KAT6B: variants seen among roughly 807,000 people sequenced by gnomAD.
The protein encoded by KAT6B is lysine acetyltransferase 6B, also known as histone acetyltransferase KAT6B.
Under a neutral mutation model 187.5 loss-of-function variants are expected in KAT6B, and 10 were observed. The observed-to-expected ratio is 0.05, with a 90% CI of 0.03 to 0.09. The LOEUF (loss-of-function observed/expected upper bound fraction) is 0.09. KAT6B is among the 10% of genes least tolerant of loss of function. KAT6B has a pLI of 1.00. For missense variants in KAT6B, 1,952 were observed against 2,558.9 expected, an observed-to-expected ratio of 0.76 and a Z score of 5.12; for synonymous variants, 861 against 926.8, an observed-to-expected ratio of 0.93 and a Z score of 1.29.
At chr10:75,023,058 G>A (rs913821811) in intron 16 of KAT6B, among the ~76,000 whole-genome samples, 5 of 152,184 alleles carry the variant, frequency 3.3e-5, no homozygotes, top group African/African-American at 9.7e-5. Flanking sequence ...GGCCAACTGC[G>A]CATTACTGAA....
At chr10:74,963,814 C>G (rs1258529334) in intron 4 of KAT6B, among the ~76,000 whole-genome samples, 2 of 152,038 alleles carry the variant, frequency 1.3e-5, no homozygotes, top group East Asian at 3.9e-4. Context: ...AGAAAGAAAC[C>G]TAAAGATATG....
chr10:74,854,952 A>G (rs1842720986), intron 3 of KAT6B, among the ~76,000 whole-genome samples: 1 of 152,212 alleles, frequency 6.6e-6, no homozygotes, highest in Non-Finnish European at 1.5e-5. Flanking sequence ...AGGTATACAA[A>G]CATTGTAGTT....
intron 17 of KAT6B, among the ~76,000 whole-genome samples, chr10:75,027,557 C>G (rs1845961414): frequency 6.6e-6 from 1 of 151,792 alleles, no homozygotes; most frequent in African/African-American, 2.4e-5. Context: ...CTTAAGAATA[C>G]TTGGGTGCTT....
Position 74,976,336 on chromosome 10 carries a change from C to A in KAT6B, c.1993+6C>A. On this transcript the variant is annotated splice_donor_region_variant and intron_variant, in intron 8 of 17. Coordinates refer to ENST00000287239, the MANE Select transcript of KAT6B (RefSeq NM_012330.4). ...TAAACCTGATCAGGATGATGGTAAG[C>A]AAAAGGTCAAAGCTCCAACCAAACC... 1 of 1,610,346 alleles carries A rather than the reference C, an allele frequency of 6.2e-7. No homozygotes were observed. The highest frequency in any genetic ancestry group is 8.5e-7 in the Non-Finnish European group (1 of 1,179,120).
chr10:75,022,132 AGAG>A lies in KAT6B; in HGVS notation c.3279_3281del (p.Glu1104del), dbSNP rs1166187787. On this transcript the variant is annotated inframe_deletion, in exon 16 of 18. Coordinates refer to ENST00000287239, the MANE Select transcript of KAT6B (RefSeq NM_012330.4). ...AGGAGGAAGAAGAGGAAGAGGATGA[AGAG>A]GAGGAAGAAGAGGAAGAAGAAGAAG... The A allele has an allele frequency of 2.2e-5, 35 of 1,601,858 alleles. No homozygotes were observed. The highest frequency in any genetic ancestry group is 2.6e-5 in the Non-Finnish European group (31 of 1,178,694).
intron 3 of KAT6B, among the ~76,000 whole-genome samples, chr10:74,866,468 T>C (rs772147521): frequency 5.9e-5 from 9 of 152,160 alleles, no homozygotes; most frequent in Non-Finnish European, 1.2e-4. Flanking sequence ...GTGTTCATTA[T>C]GCTACTTCAA....
rs1338421151 is a variant in KAT6B, at chr10:74,969,520, T to G, written c.731-140T>G. The G allele has an allele frequency of 4.4e-6, 3 of 676,792 alleles. No homozygotes were observed. The Admixed American group carries it at 6.6e-5, about 15-fold the overall frequency. The allele number at this position is 676,792 out of a possible 1,614,324, so 41.9% of individuals were successfully genotyped here. On this transcript the variant is annotated intron_variant, in intron 4 of 17. Transcript: ENST00000287239. ...CAGAAAGGAAAATCTGTAATTCGGA[T>G]TCTCTGATCTGTTGGCATTTTCAAG...
At chr10:74,929,698 T>G (rs1589645673) in intron 3 of KAT6B, among the ~76,000 whole-genome samples, 1 of 152,096 alleles carries the variant, frequency 6.6e-6, no homozygotes, top group African/African-American at 2.4e-5. Context: ...ATATAAGCAG[T>G]GTGTATTCAA....
chr10:74,973,546 A>T lies in KAT6B; in HGVS notation c.1061+907A>T, dbSNP rs116105819. 3.1e-3 allele frequency among the ~76,000 whole-genome samples: 477 copies of T among 151,808 alleles called. 5 individuals are homozygous for T. Among genetic ancestry groups the T allele is most frequent in the African/African-American group, 0.011 (450 of 41,368 alleles). On this transcript the variant is annotated intron_variant, in intron 7 of 17. Transcript: ENST00000287239. ...ACCTTGAACAGACTCCAAGAATCTC[A>T]CTCCCTTGCTTACTCCTTTTCCCCT...
At chr10:75,006,703 A>G (rs1844225000) in intron 13 of KAT6B, among the ~76,000 whole-genome samples, 1 of 152,124 alleles carries the variant, frequency 6.6e-6, no homozygotes, top group African/African-American at 2.4e-5. Context: ...TGGCTTCCCA[A>G]CGTGATAGGA....
chr10:75,021,055 A>G, intron 14 of KAT6B, 71 bp from the exon 15 acceptor site: 1 of 1,423,904 alleles, frequency 7.0e-7, no homozygotes, highest in Non-Finnish European at 9.9e-7. Flanking sequence ...GTGCTAGCAT[A>G]TGTCCGTATG....
Position 74,991,467 on chromosome 10 carries a change from A to G in KAT6B, c.2629+2355A>G, listed in dbSNP as rs371826707. Among the ~76,000 whole-genome samples the G allele has an allele frequency of 3.2e-4, 48 of 152,304 alleles. 1 individual carries two copies. In the South Asian group the frequency reaches 8.9e-3, roughly 28 times the overall value. On this transcript the variant is annotated intron_variant, in intron 13 of 17. Transcript: ENST00000287239. Reference sequence around the variant, plus strand: ...AACAAATACATTATCTTCAAATGCTATGTCTTTTTTTTAACCATTTTAGTG... The same window carrying G: ...AACAAATACATTATCTTCAAATGCTGTGTCTTTTTTTTAACCATTTTAGTG...
intron 3 of KAT6B, among the ~76,000 whole-genome samples, chr10:74,917,349 T>G (rs1451714804): frequency 1.3e-5 from 2 of 152,210 alleles, no homozygotes; most frequent in Non-Finnish European, 2.9e-5. Flanking sequence ...ACTGTGGCCC[T>G]TTTTGACTTT....
At chr10:74,979,599 T>C (rs777256053) in intron 10 of KAT6B, among the ~76,000 whole-genome samples, 10 of 151,952 alleles carry the variant, frequency 6.6e-5, no homozygotes, top group Admixed American at 2.0e-4. Context: ...CTTTCCTTGG[T>C]TAATTGGGGA....
chr10:74,955,363 A>G (rs1840598153), intron 3 of KAT6B, among the ~76,000 whole-genome samples: 2 of 145,774 alleles, frequency 1.4e-5, no homozygotes, highest in Non-Finnish European at 3.0e-5. Flanking sequence ...CTTTTTTGAG[A>G]GTAAAGGGAC....
At chr10:74,974,688 C>T (rs1842046797) in intron 7 of KAT6B, among the ~76,000 whole-genome samples, 1 of 152,176 alleles carries the variant, frequency 6.6e-6, no homozygotes, top group African/African-American at 2.4e-5. Context: ...CGCTTCTTCA[C>T]CAGACTCTCC....
Position 75,009,804 on chromosome 10 carries a change from G to T in KAT6B, c.2630-10778G>T, listed in dbSNP as rs532654801. Among the ~76,000 whole-genome samples the T allele has an allele frequency of 7.2e-5, 11 of 152,248 alleles. No homozygotes were observed. The East Asian group carries it at 2.1e-3, about 29-fold the overall frequency. On this transcript the variant is annotated intron_variant, in intron 13 of 17. Coordinates refer to ENST00000287239, the MANE Select transcript of KAT6B (RefSeq NM_012330.4). Reference sequence around the variant, plus strand: ...GCAGATCACCTGAGGTCAGGAGTTCGAGACCAGCCTAACATGAAGCAACCC... The same window carrying T: ...GCAGATCACCTGAGGTCAGGAGTTCTAGACCAGCCTAACATGAAGCAACCC...
intron 1 of KAT6B, among the ~76,000 whole-genome samples, chr10:74,835,854 A>C (rs1841262377): frequency 6.6e-6 from 1 of 152,206 alleles, no homozygotes; most frequent in Admixed American, 6.5e-5. Flanking sequence ...TAAAATGAAA[A>C]AACCATTAAA....
At chr10:74,914,024 A>G (rs1465303634) in intron 3 of KAT6B, among the ~76,000 whole-genome samples, 1 of 151,894 alleles carries the variant, frequency 6.6e-6, no homozygotes, top group Non-Finnish European at 1.5e-5. Context: ...TGTCTCTACT[A>G]AAATACAAAA....
Sources: gnomAD v4.1 joint callset for allele counts (sites outside exome capture counted in the v4.1 genomes callset) on GRCh38, gnomAD v4.1.1 for gene constraint, MANE v1.5 for transcripts, NCBI Gene and HGNC (gene_info 2026-07-23, HGNC 2026-07-21) for gene names.